The following NFATC3 variants were observed in gnomAD, a reference collection of about 807,000 sequenced individuals.
NFATC3 encodes nuclear factor of activated T cells 3.
Under a neutral mutation model 98.6 loss-of-function variants are expected in NFATC3, and 46 were observed. The ratio of observed to expected loss-of-function variants is 0.47; its 90% CI spans 0.37 to 0.60. NFATC3 has a LOEUF of 0.60. NFATC3 is among the 20% of genes least tolerant of loss of function. The pLI is 0.00. For synonymous variants in NFATC3, 512 were observed against 472.2 expected, an observed-to-expected ratio of 1.08 and a Z score of -1.09; for missense variants, 1,256 against 1,295.5, an observed-to-expected ratio of 0.97 and a Z score of 0.47.
At chr16:68,130,466 A>G (rs1182892539) in intron 3 of NFATC3, among the ~76,000 whole-genome samples, 2 of 152,074 alleles carry the variant, frequency 1.3e-5, no homozygotes, top group Non-Finnish European at 2.9e-5. Flanking sequence ...GAGAAATGTC[A>G]TTTTAGATCC....
chr16:68,167,088 T>A, intron 5 of NFATC3, 73 bp downstream of exon 5: 3 of 1,482,180 alleles, frequency 2.0e-6, no homozygotes, highest in Non-Finnish European at 2.8e-6. Context: ...TATAATGTAA[T>A]GTATGCGTCT....
chr16:68,217,655 CATG>C (rs1423305047), intron 9 of NFATC3: 41 of 1,231,106 alleles, frequency 3.3e-5, no homozygotes, highest in African/African-American at 7.8e-5. Flanking sequence ...TCTCACACCT[CATG>C]ATAATTCAGA....
intron 9 of NFATC3, among the ~76,000 whole-genome samples, chr16:68,209,233 G>A (rs545928013): frequency 6.6e-6 from 1 of 152,302 alleles, no homozygotes; most frequent in South Asian, 2.1e-4. Context: ...TGGGCACGGT[G>A]GCTCACGCCT....
rs1200537091 is a variant in NFATC3, at chr16:68,085,632, C to T, written c.-50C>T. ...GAGGAGCTGCTGCCGCCGCTTGCCG[C>T]TGCCGCCGCCGCCGCCTGAGGAGGA... is the stretch of plus-strand genomic sequence containing the variant. On this transcript the variant is annotated 5_prime_UTR_variant, in exon 1 of 10. Coordinates refer to ENST00000346183, the MANE Select transcript of NFATC3 (RefSeq NM_173165.3). 1 of 1,458,666 alleles carries T rather than the reference C, an allele frequency of 6.9e-7. No individual in the cohort carries two copies. The highest frequency in any genetic ancestry group is 9.1e-7 in the Non-Finnish European group (1 of 1,101,986). The allele number at this position is 1,458,666 out of a possible 1,614,324, so 90.4% of individuals were successfully genotyped here.
chr16:68,119,028 C>T (rs552597282), intron 1 of NFATC3, among the ~76,000 whole-genome samples: 6 of 152,166 alleles, frequency 3.9e-5, no homozygotes, highest in Admixed American at 2.0e-4. Context: ...CCACCACGCC[C>T]GGCTAATTTT....
intron 1 of NFATC3, among the ~76,000 whole-genome samples, chr16:68,115,501 T>C (rs2151489727): frequency 6.6e-6 from 1 of 152,148 alleles, no homozygotes; most frequent in South Asian, 2.1e-4. Context: ...CTCGGCTTAC[T>C]GCGACCTCCG....
intron 3 of NFATC3, among the ~76,000 whole-genome samples, chr16:68,145,133 CTTTTT>C (rs111691786): frequency 2.1e-5 from 3 of 139,842 alleles, no homozygotes; most frequent in Admixed American, 7.2e-5. Flanking sequence ...TTCTCTCTCT[CTTTTT>C]TTTTTTTTTT....
At chr16:68,224,474 AC>A (rs1192276418) in intron 9 of NFATC3, among the ~76,000 whole-genome samples, 1 of 149,098 alleles carries the variant, frequency 6.7e-6, no homozygotes, top group Non-Finnish European at 1.5e-5. Flanking sequence ...ACAGGTTTTC[AC>A]CATCTTGGCC....
chr16:68,216,020 G>GC lies in NFATC3; in HGVS notation c.3107-10329dup, dbSNP rs199995731. On this transcript the variant is annotated intron_variant, in intron 9 of 9. Coordinates refer to ENST00000346183, the MANE Select transcript of NFATC3 (RefSeq NM_173165.3). ...TGGGATGACAGGCATGAGCCACCGC[G>GC]CTGGCCCAGATTTACACATATTAAG... 5.4e-3 allele frequency among the ~76,000 whole-genome samples: 820 copies of GC among 152,172 alleles called. 3 individuals carry two copies. Among genetic ancestry groups the GC allele is most frequent in the Middle Eastern group, 0.014 (4 of 294 alleles).
chr16:68,170,516 G>A (rs549624059), intron 5 of NFATC3, among the ~76,000 whole-genome samples: 71 of 142,114 alleles, frequency 5.0e-4, no homozygotes, highest in Admixed American at 1.4e-3. Flanking sequence ...TTTTTGAGAC[G>A]GAGTCTCCCT....
intron 6 of NFATC3, 33 bp downstream of exon 6, chr16:68,174,547 T>C (rs752551396): frequency 6.7e-7 from 1 of 1,503,490 alleles, no homozygotes; most frequent in African/African-American, 1.4e-5. Context: ...GACTTCAAAC[T>C]AAGGGGCAAA....
At chr16:68,098,267 T>C (rs2035124702) in intron 1 of NFATC3, among the ~76,000 whole-genome samples, 1 of 148,458 alleles carries the variant, frequency 6.7e-6, no homozygotes, top group African/African-American at 2.5e-5. Context: ...ATTTAACTTT[T>C]TGTCTATTAT....
In NFATC3 at chr16:68,142,823, G is replaced by A. The variant is rs538430212; in HGVS notation, c.1402-15046G>A. 6.6e-5 allele frequency among the ~76,000 whole-genome samples: 10 copies of A among 151,956 alleles called. No homozygotes were observed. In the East Asian group the frequency reaches 7.7e-4, roughly 12 times the overall value. On this transcript the variant is annotated intron_variant, in intron 3 of 9. Transcript: ENST00000346183. ...TTTAGGGTTTCCTAGGTATATGATC[G>A]TATCTTTGGCAAATAGAGATAGTTT...
intron 9 of NFATC3, among the ~76,000 whole-genome samples, chr16:68,193,625 T>C (rs2040536956): frequency 6.6e-6 from 1 of 152,068 alleles, no homozygotes; most frequent in Admixed American, 6.6e-5. Context: ...GCTGATCGCA[T>C]ACTATTGCAC....
chr16:68,196,399 G>A (rs567043298), intron 9 of NFATC3, among the ~76,000 whole-genome samples: 88 of 152,298 alleles, frequency 5.8e-4, no homozygotes, highest in Admixed American at 1.3e-3. Flanking sequence ...GGGATTACAG[G>A]CATGAGCCAC....
intron 3 of NFATC3, among the ~76,000 whole-genome samples, chr16:68,136,184 G>A (rs1428300930): frequency 6.6e-6 from 1 of 152,176 alleles, no homozygotes; most frequent in Non-Finnish European, 1.5e-5. Context: ...GTGGCATTTT[G>A]TAGGTTCGTG....
At chr16:68,153,939 A>G (rs1303149726) in intron 3 of NFATC3, among the ~76,000 whole-genome samples, 2 of 151,650 alleles carry the variant, frequency 1.3e-5, no homozygotes, top group East Asian at 1.9e-4. Context: ...TTAAGAGACA[A>G]GGTCTCACAC....
At position 68,183,379 on chromosome 16, in the gene NFATC3, A is replaced by G; in HGVS notation, c.2098+13A>G. 6.2e-7 allele frequency: 1 copy of G among 1,609,818 alleles called. No homozygotes were observed. Among genetic ancestry groups the G allele is most frequent in the Non-Finnish European group, 8.5e-7 (1 of 1,179,756 alleles). ...ACTTATACACCAGGTACGAGGAGTC[A>G]TGATGGTTTACTATAGAGCTTTCTT... On this transcript the variant is annotated intron_variant, in intron 8 of 9. Coordinates refer to ENST00000346183, the MANE Select transcript of NFATC3 (RefSeq NM_173165.3).
intron 9 of NFATC3, among the ~76,000 whole-genome samples, chr16:68,198,007 T>G (rs1219909286): frequency 6.6e-6 from 1 of 152,164 alleles, no homozygotes; most frequent in South Asian, 2.1e-4. Flanking sequence ...AAGATAGTAA[T>G]GTAACTCAGC....
Sources: gnomAD v4.1 joint callset for allele counts (sites outside exome capture counted in the v4.1 genomes callset) on GRCh38, gnomAD v4.1.1 for gene constraint, MANE v1.5 for transcripts, NCBI Gene and HGNC (gene_info 2026-07-23, HGNC 2026-07-21) for gene names.